Variants in LRMDA observed in about 807,000 individuals in gnomAD.
The protein encoded by LRMDA is leucine rich melanocyte differentiation associated, also known as leucine-rich melanocyte differentiation-associated protein.
LRMDA carries 18 observed loss-of-function variants against 29.8 expected under a neutral mutation model. The observed-to-expected ratio is 0.60, with a 90% CI of 0.42 to 0.90. The LOEUF (loss-of-function observed/expected upper bound fraction) is 0.90, where lower values mean the gene tolerates loss of function less well. LRMDA is among the 40% of genes least tolerant of loss of function. The pLI is 0.00. For missense variants in LRMDA, 273 were observed against 273.9 expected (o/e 1.00, Z 0.02); for synonymous variants, 125 against 109.4 (o/e 1.14, Z -0.89).
chr10:75,814,261 C>T (rs1844018445), intron 2 of LRMDA, among the ~76,000 whole-genome samples: 1 of 152,146 alleles, frequency 6.6e-6, no homozygotes, highest in Non-Finnish European at 1.5e-5. Context: ...GAGTCACTAG[C>T]CAGACCACAC....
intron 2 of LRMDA, among the ~76,000 whole-genome samples, chr10:75,835,889 A>G (rs1270029579): frequency 1.3e-5 from 2 of 152,212 alleles, no homozygotes; most frequent in South Asian, 4.1e-4. Context: ...GCTGCAGTTC[A>G]GTGCTAAAGT....
chr10:75,851,915 C>T (rs774355909), intron 2 of LRMDA, among the ~76,000 whole-genome samples: 6 of 152,232 alleles, frequency 3.9e-5, no homozygotes, highest in Admixed American at 6.5e-5. Flanking sequence ...TGTAGCATTG[C>T]TTCAGGAAAC....
At chr10:76,159,568 A>G (rs1352926272) in intron 5 of LRMDA, among the ~76,000 whole-genome samples, 7 of 152,222 alleles carry the variant, frequency 4.6e-5, no homozygotes, top group Non-Finnish European at 8.8e-5. Flanking sequence ...ATGTCCACAT[A>G]GAAACTTGCG....
intron 5 of LRMDA, among the ~76,000 whole-genome samples, chr10:76,319,993 T>C (rs765149218): frequency 3.9e-5 from 6 of 152,218 alleles, no homozygotes; most frequent in Non-Finnish European, 7.3e-5. Context: ...TCAGGTTCTT[T>C]CAGTGCATCC....
At chr10:76,494,734 C>A (rs185930323) in intron 6 of LRMDA, among the ~76,000 whole-genome samples, 1 of 151,636 alleles carries the variant, frequency 6.6e-6, no homozygotes, top group African/African-American at 2.4e-5. Context: ...TCTAATATGA[C>A]CTCTAATGGT....
Position 75,435,735 on chromosome 10 carries a change from C to T in LRMDA, c.31-2659C>T, listed in dbSNP as rs1201496420. Among the ~76,000 whole-genome samples the T allele has an allele frequency of 2.0e-5, 3 of 152,176 alleles. No homozygotes were observed. The East Asian group carries it at 5.8e-4, about 29-fold the overall frequency. The stretch of plus-strand genomic sequence containing the variant: ...TTTATGATAGCTCTCCTTGGTGCTC[C>T]TGTTTCCTTTGAATGGAATTCCTAC... On this transcript the variant is annotated intron_variant, in intron 1 of 6. Transcript: ENST00000611255.
At chr10:76,400,870 C>T (rs1841840402) in intron 6 of LRMDA, among the ~76,000 whole-genome samples, 1 of 152,112 alleles carries the variant, frequency 6.6e-6, no homozygotes, top group South Asian at 2.1e-4. Context: ...GTTGAATACC[C>T]CTTATCAAAA....
intron 2 of LRMDA, among the ~76,000 whole-genome samples, chr10:75,914,888 G>C (rs991016055): frequency 3.9e-5 from 6 of 152,036 alleles, no homozygotes; most frequent in Non-Finnish European, 7.4e-5. Context: ...CCTATACAAA[G>C]GTAAAAGTCT....
intron 6 of LRMDA, among the ~76,000 whole-genome samples, chr10:76,333,576 C>G (rs1840930928): frequency 6.6e-6 from 1 of 152,080 alleles, no homozygotes; most frequent in Non-Finnish European, 1.5e-5. Flanking sequence ...ACCTTATGGC[C>G]ACTATGGAGT....
intron 2 of LRMDA, among the ~76,000 whole-genome samples, chr10:75,623,553 C>T (rs1841213863): frequency 6.6e-6 from 1 of 152,178 alleles, no homozygotes; most frequent in Admixed American, 6.5e-5. Flanking sequence ...GGACTGACTG[C>T]AGGAGCTCAG....
intron 5 of LRMDA, among the ~76,000 whole-genome samples, chr10:76,320,906 C>A (rs1840763022): frequency 6.6e-6 from 1 of 152,246 alleles, no homozygotes; most frequent in East Asian, 1.9e-4. Flanking sequence ...TACATGAAAT[C>A]AACAAATTTT....
chr10:75,798,325 T>A (rs1487885412), intron 2 of LRMDA, among the ~76,000 whole-genome samples: 9 of 152,102 alleles, frequency 5.9e-5, no homozygotes, highest in African/African-American at 1.7e-4. Context: ...ATTGGCAAAG[T>A]CCAACTTAAC....
intron 6 of LRMDA, among the ~76,000 whole-genome samples, chr10:76,338,178 A>G (rs1300927268): frequency 6.6e-6 from 1 of 152,074 alleles, no homozygotes; most frequent in Non-Finnish European, 1.5e-5. Context: ...ACAGCCCAAA[A>G]CAAATGCAAC....
intron 6 of LRMDA, among the ~76,000 whole-genome samples, chr10:76,380,653 A>C (rs1841579088): frequency 6.8e-6 from 1 of 148,046 alleles, no homozygotes; most frequent in Admixed American, 6.7e-5. Context: ...TGGGCGACAG[A>C]GCAAGACTCC....
In LRMDA at chr10:75,549,151, G is replaced by A. The variant is rs142464253; in HGVS notation, c.131+110657G>A. Among the ~76,000 whole-genome samples the A allele has an allele frequency of 1.2e-4, 19 of 152,068 alleles. No individual in the cohort carries two copies. In the East Asian group the frequency reaches 3.3e-3, roughly 26 times the overall value. The stretch of plus-strand genomic sequence containing the variant: ...ATGTGGTTGCATGTATTACTAGCTT[G>A]TTTCTTTTTATTGTTGAGTAGTATT... On this transcript the variant is annotated intron_variant, in intron 2 of 6. Transcript: ENST00000611255.
chr10:75,633,947 T>C (rs1313093925), intron 2 of LRMDA, among the ~76,000 whole-genome samples: 1 of 152,204 alleles, frequency 6.6e-6, no homozygotes, highest in Non-Finnish European at 1.5e-5. Context: ...TTTACGTGTT[T>C]TATTTGGAAG....
At chr10:76,155,245 T>G (rs1850516682) in intron 5 of LRMDA, among the ~76,000 whole-genome samples, 1 of 152,116 alleles carries the variant, frequency 6.6e-6, no homozygotes. Flanking sequence ...AGAACACAGA[T>G]CTAGTATTCC....
chr10:76,025,453 G>A (rs1357785831), intron 2 of LRMDA, among the ~76,000 whole-genome samples: 2 of 151,622 alleles, frequency 1.3e-5, no homozygotes, highest in African/African-American at 4.9e-5. Context: ...GCTGCTTACT[G>A]ATACGCTGTC....
chr10:76,292,002 A>G (rs1401475833), intron 5 of LRMDA, among the ~76,000 whole-genome samples: 1 of 152,126 alleles, frequency 6.6e-6, no homozygotes, highest in Non-Finnish European at 1.5e-5. Context: ...AAGACCAGAC[A>G]TATACACATG....
Sources: allele counts gnomAD v4.1 joint callset (sites outside exome capture counted in the v4.1 genomes callset), GRCh38; gene constraint gnomAD v4.1.1; transcripts MANE v1.5; gene names NCBI Gene and HGNC (gene_info 2026-07-23, HGNC 2026-07-21).